Variants in GPM6A observed in about 807,000 individuals in gnomAD.
GPM6A encodes neuronal membrane glycoprotein M6-a.
In GPM6A, 7 loss-of-function variants were observed where a neutral mutation model predicts 32.1. The observed-to-expected ratio is 0.22, with a 90% CI of 0.12 to 0.41. GPM6A has a LOEUF of 0.41. GPM6A is among the 10% of genes least tolerant of loss of function. The probability of loss-of-function intolerance (pLI) is 1.00; values close to 1 mark genes in which losing one functional copy is unlikely to be tolerated. For synonymous variants in GPM6A, 130 were observed against 123.4 expected (o/e 1.05, Z -0.35); for missense variants, 235 against 347.2 (o/e 0.68, Z 2.57).
intron 1 of GPM6A, among the ~76,000 whole-genome samples, chr4:175,913,195 C>T (rs888559852): frequency 6.6e-6 from 1 of 152,176 alleles, no homozygotes; most frequent in Non-Finnish European, 1.5e-5. Context: ...TAATAACAAT[C>T]TGAACCTTCA....
intron 1 of GPM6A, among the ~76,000 whole-genome samples, chr4:175,783,030 T>C (rs897817888): frequency 1.3e-5 from 2 of 152,018 alleles, no homozygotes; most frequent in African/African-American, 4.8e-5. Flanking sequence ...ATTAAATTAT[T>C]TTCAAAATGT....
intron 1 of GPM6A, among the ~76,000 whole-genome samples, chr4:175,735,139 T>A (rs952206642): frequency 1.3e-5 from 2 of 152,192 alleles, no homozygotes; most frequent in Non-Finnish European, 2.9e-5. Flanking sequence ...TAGGCCTAAA[T>A]TAGATCTGTG....
chr4:175,688,853 T>C (rs911923480), intron 2 of GPM6A, among the ~76,000 whole-genome samples: 1 of 152,102 alleles, frequency 6.6e-6, no homozygotes, highest in Non-Finnish European at 1.5e-5. Flanking sequence ...TGTTTTTTGT[T>C]TGTTGGTTTG....
At chr4:175,823,986 T>C (rs1426128910) in intron 1 of GPM6A, among the ~76,000 whole-genome samples, 1 of 152,188 alleles carries the variant, frequency 6.6e-6, no homozygotes, top group Non-Finnish European at 1.5e-5. Context: ...CATTGTTCCT[T>C]TTTTTGTGAG....
At chr4:175,955,983 G>A (rs893085175) in intron 1 of GPM6A, among the ~76,000 whole-genome samples, 2 of 152,086 alleles carry the variant, frequency 1.3e-5, no homozygotes, top group African/African-American at 2.4e-5. Flanking sequence ...ACAAATACTC[G>A]GGTAAGGGCT....
At chr4:175,716,322 G>A (rs77849852) in intron 1 of GPM6A, among the ~76,000 whole-genome samples, 1,646 of 152,222 alleles carry the variant, frequency 0.011, 32 homozygotes, top group African/African-American at 0.038. Context: ...GCAATGAATG[G>A]TTAGCTACCA....
At chr4:175,807,516 GAT>G (rs1734741432) in intron 1 of GPM6A, 1 of 152,192 alleles carries the variant, frequency 6.6e-6, no homozygotes, top group Admixed American at 6.5e-5. Context: ...TTTGCCGTGG[GAT>G]AAAGAGATCC....
At chr4:175,647,529 A>T (rs1366585663) in intron 4 of GPM6A, among the ~76,000 whole-genome samples, 1 of 152,202 alleles carries the variant, frequency 6.6e-6, no homozygotes, top group East Asian at 1.9e-4. Flanking sequence ...ACTGTTCGAA[A>T]TGCATAAATT....
Position 175,643,200 on chromosome 4 carries a change from C to G in GPM6A, c.542-2371G>C, listed in dbSNP as rs1359374343. Among the ~76,000 whole-genome samples, 11 of 152,140 alleles carry G rather than the reference C, an allele frequency of 7.2e-5. No homozygotes were observed. In the South Asian group the frequency reaches 2.1e-3, roughly 29 times the overall value. ...TGCTAACTGGCTTCCTTGCTTCTACCCTTCCTACAAACCATTCTTCAAGTA... is the reference window on the plus strand; with the variant it reads ...TGCTAACTGGCTTCCTTGCTTCTACGCTTCCTACAAACCATTCTTCAAGTA... On this transcript the variant is annotated intron_variant, in intron 4 of 6. Transcript: ENST00000393658.
intron 1 of GPM6A, among the ~76,000 whole-genome samples, chr4:175,898,883 C>T (rs775512482): frequency 6.6e-6 from 1 of 152,172 alleles, no homozygotes; most frequent in African/African-American, 2.4e-5. Context: ...GATTCGATTA[C>T]TCATTCTTCA....
At chr4:175,677,196 T>C (rs1385108124) in intron 2 of GPM6A, among the ~76,000 whole-genome samples, 3 of 152,168 alleles carry the variant, frequency 2.0e-5, no homozygotes, top group Non-Finnish European at 2.9e-5. Context: ...GAATGAATAT[T>C]ATATAATGTG....
At chr4:175,887,535 C>G (rs1333188919) in intron 1 of GPM6A, among the ~76,000 whole-genome samples, 2 of 151,402 alleles carry the variant, frequency 1.3e-5, no homozygotes, top group Non-Finnish European at 3.0e-5. Flanking sequence ...TCACAAGAAG[C>G]AATAAAGATG....
chr4:175,681,378 C>T (rs567842993), intron 2 of GPM6A, among the ~76,000 whole-genome samples: 2 of 152,188 alleles, frequency 1.3e-5, no homozygotes, highest in Non-Finnish European at 2.9e-5. Context: ...ATTATGGGCA[C>T]TATATATCTT....
chr4:175,916,113 CA>C (rs1384210274), intron 1 of GPM6A, among the ~76,000 whole-genome samples: 1 of 152,208 alleles, frequency 6.6e-6, no homozygotes, highest in Admixed American at 6.5e-5. Context: ...TAGACACATG[CA>C]AAACAACAGT....
At chr4:175,745,765 A>T (rs1732077351) in intron 1 of GPM6A, among the ~76,000 whole-genome samples, 1 of 152,210 alleles carries the variant, frequency 6.6e-6, no homozygotes, top group Admixed American at 6.6e-5. Flanking sequence ...ATCACCACTG[A>T]TATTACCAAG....
intron 1 of GPM6A, among the ~76,000 whole-genome samples, chr4:175,709,447 A>C (rs1745404546): frequency 6.6e-6 from 1 of 151,912 alleles, no homozygotes; most frequent in Non-Finnish European, 1.5e-5. Context: ...TAAAATAAAC[A>C]GGCTGGTCAC....
chr4:175,992,058 ATG>A (rs1491563027), intron 1 of GPM6A, among the ~76,000 whole-genome samples: 1 of 52,480 alleles, frequency 1.9e-5, no homozygotes, highest in Admixed American at 2.9e-4. Flanking sequence ...ACAAACACAC[ATG>A]CACACACACA....
intron 1 of GPM6A, among the ~76,000 whole-genome samples, chr4:175,758,581 T>C (rs1163642410): frequency 2.0e-5 from 3 of 152,100 alleles, no homozygotes; most frequent in Admixed American, 2.0e-4. Flanking sequence ...AGTGAGTAAA[T>C]AGCAAATTAA....
intron 1 of GPM6A, among the ~76,000 whole-genome samples, chr4:175,819,084 G>A (rs142776839): frequency 0.014 from 2,059 of 152,280 alleles, 28 homozygotes; most frequent in Admixed American, 0.044. Context: ...GAAAGCAAGA[G>A]TAATCCAAAT....
Sources: gnomAD v4.1 joint callset for allele counts (sites outside exome capture counted in the v4.1 genomes callset) on GRCh38, gnomAD v4.1.1 for gene constraint, MANE v1.5 for transcripts, NCBI Gene and HGNC (gene_info 2026-07-23, HGNC 2026-07-21) for gene names.